Variants in TOMM70 observed in about 807,000 individuals in gnomAD.
The protein encoded by TOMM70 is mitochondrial import receptor subunit TOM70.
Under a neutral mutation model 73.6 loss-of-function variants are expected in TOMM70, and 13 were observed. The ratio of observed to expected loss-of-function variants is 0.18; its 90% CI spans 0.11 to 0.28. TOMM70 has a LOEUF of 0.28. Ranked by LOEUF, TOMM70 falls within the 10% of genes least tolerant of loss-of-function variation. The pLI is 1.00. For synonymous variants in TOMM70, 257 were observed against 271.2 expected, an observed-to-expected ratio of 0.95 and a Z score of 0.51; for missense variants, 609 against 747.5, an observed-to-expected ratio of 0.81 and a Z score of 2.16.
chr3:100,370,917 TAG>T (rs1268943407), intron 9 of TOMM70, among the ~76,000 whole-genome samples: 1 of 152,184 alleles, frequency 6.6e-6, no homozygotes, highest in East Asian at 1.9e-4. Context: ...TTTGCTCTTC[TAG>T]ATGCTTAGAG....
intron 9 of TOMM70, among the ~76,000 whole-genome samples, chr3:100,371,074 AT>A (rs1706504557): frequency 6.6e-6 from 1 of 152,198 alleles, no homozygotes; most frequent in African/African-American, 2.4e-5. Flanking sequence ...GTAGTTATAT[AT>A]AAGACCTACC....
chr3:100,368,558 G>A (rs1032723261), intron 10 of TOMM70, among the ~76,000 whole-genome samples: 1 of 152,102 alleles, frequency 6.6e-6, no homozygotes, highest in African/African-American at 2.4e-5. Context: ...CACAGAGCAA[G>A]AATAGTACAT....
rs201633652 is a variant in TOMM70, at chr3:100,395,335, C to CT, written c.324+5290dup. On this transcript the variant is annotated intron_variant, in intron 1 of 11. Transcript: ENST00000284320. ...AGTAAGCCGAGATTGCGCCACTACA[C>CT]TCCAGCCTGGGCAACAGAGTGAGAC... Among the ~76,000 whole-genome samples the CT allele has an allele frequency of 7.1e-3, 1,075 of 152,144 alleles. 14 individuals are homozygous for CT. Among genetic ancestry groups the CT allele is most frequent in the Middle Eastern group, 0.044 (13 of 294 alleles).
intron 1 of TOMM70, among the ~76,000 whole-genome samples, chr3:100,396,327 T>C (rs1175537405): frequency 2.6e-5 from 4 of 152,200 alleles, no homozygotes; most frequent in Non-Finnish European, 4.4e-5. Flanking sequence ...GCTTAGATTA[T>C]TGGTTCCTAA....
intron 1 of TOMM70, among the ~76,000 whole-genome samples, chr3:100,393,084 G>A (rs987896401): frequency 6.6e-5 from 10 of 151,772 alleles, no homozygotes; most frequent in African/African-American, 2.4e-4. Context: ...GCTGAGGCAG[G>A]AGAATCGCTT....
chr3:100,370,079 C>CCTAAA (rs1706492112), intron 9 of TOMM70, among the ~76,000 whole-genome samples: 1 of 120,340 alleles, frequency 8.3e-6, no homozygotes, highest in African/African-American at 5.2e-5. Flanking sequence ...AATAAGCCAA[C>CCTAAA]TTAAATATTT....
chr3:100,397,679 A>G (rs1415491074), intron 1 of TOMM70, among the ~76,000 whole-genome samples: 1 of 152,092 alleles, frequency 6.6e-6, no homozygotes, highest in Non-Finnish European at 1.5e-5. Flanking sequence ...TCACGAGGTC[A>G]GGAGTTTGAG....
chr3:100,372,466 A>G lies in TOMM70; in HGVS notation c.1452+140T>C, dbSNP rs988658693. 9.3e-6 allele frequency: 6 copies of G among 645,244 alleles called. No homozygotes were observed. The South Asian group carries it at 1.2e-4, about 13-fold the overall frequency. 40.0% of individuals were successfully genotyped at this position (645,244 alleles called of 1,614,324 possible). A position where few individuals can be genotyped will look rare whatever the true frequency, so the allele number is the denominator to read the frequency against. On this transcript the variant is annotated intron_variant, in intron 9 of 11. Transcript: ENST00000284320. ...CTTCTGAGGTGATTCGGGACCAACC[A>G]GGGGCCATGAGAATCAATCAGGAAC...
At chr3:100,369,562 G>A (rs539350038) in intron 9 of TOMM70, among the ~76,000 whole-genome samples, 19 of 150,556 alleles carry the variant, frequency 1.3e-4, no homozygotes, top group African/African-American at 3.2e-4. Flanking sequence ...GTGTAGTGGC[G>A]CAATCTCTGT....
intron 9 of TOMM70, chr3:100,371,935 A>T (rs1345383140): frequency 6.6e-6 from 1 of 152,228 alleles, no homozygotes; most frequent in Non-Finnish European, 1.5e-5. Flanking sequence ...TGTACCCCTG[A>T]TATAGAGTAT....
intron 5 of TOMM70, 95 bp from the exon 6 acceptor site, chr3:100,378,007 G>A (rs939177731): frequency 9.2e-7 from 1 of 1,091,864 alleles, no homozygotes; most frequent in Non-Finnish European, 1.3e-6. Flanking sequence ...AGCACTTTGG[G>A]AGGCCGAGGT....
At position 100,373,660 on chromosome 3, in the gene TOMM70, C is replaced by A. The variant is rs772838462; in HGVS notation, c.1228-15G>T. ...AGTATTTTCAGCTAAGAAAAAAATACGTAAATAAATGTAATTCAACTAGTC... is the reference window on the plus strand; with the variant it reads ...AGTATTTTCAGCTAAGAAAAAAATAAGTAAATAAATGTAATTCAACTAGTC... On this transcript the variant is annotated splice_polypyrimidine_tract_variant and intron_variant, in intron 7 of 11. Coordinates refer to ENST00000284320, the MANE Select transcript of TOMM70 (RefSeq NM_014820.5). The A allele has an allele frequency of 1.3e-6, 2 of 1,568,416 alleles. No homozygotes were observed. Among genetic ancestry groups the A allele is most frequent in the Non-Finnish European group, 1.7e-6 (2 of 1,158,828 alleles).
In TOMM70 at chr3:100,401,017, G is replaced by C. The variant is rs569377038; in HGVS notation, c.-68C>G. On this transcript the variant is annotated 5_prime_UTR_variant, in exon 1 of 12. Transcript: ENST00000284320. ...CCACAATCACCAAACAGCGTGCGAA[G>C]GAAGACCGAGGGAGGGAAGGAAAGC... 1 of 1,447,426 alleles carries C rather than the reference G, an allele frequency of 6.9e-7. No homozygotes were observed. Among genetic ancestry groups the C allele is most frequent in the East Asian group, 2.6e-5 (1 of 38,470 alleles). The allele number at this position is 1,447,426 out of a possible 1,614,324, so 89.7% of individuals were successfully genotyped here.
intron 7 of TOMM70, among the ~76,000 whole-genome samples, chr3:100,374,618 T>G (rs1706543485): frequency 6.6e-6 from 1 of 152,186 alleles, no homozygotes; most frequent in South Asian, 2.1e-4. Flanking sequence ...ATATATTTAT[T>G]TTTACTATTT....
intron 4 of TOMM70, among the ~76,000 whole-genome samples, chr3:100,382,055 G>A (rs948493349): frequency 1.4e-4 from 21 of 152,108 alleles, no homozygotes; most frequent in African/African-American, 4.1e-4. Context: ...TTCATCTGAA[G>A]ATCTTTATTA....
chr3:100,372,511 G>T, intron 9 of TOMM70, 95 bp downstream of exon 9: 1 of 991,476 alleles, frequency 1.0e-6, no homozygotes, highest in Non-Finnish European at 1.5e-6. Context: ...TGCTTCCAAA[G>T]AAGCTGCAAC....
chr3:100,399,734 A>AT (rs34524680), intron 1 of TOMM70, among the ~76,000 whole-genome samples: 3,368 of 126,052 alleles, frequency 0.027, 55 homozygotes, highest in African/African-American at 0.044. Flanking sequence ...AGTCACTCCC[A>AT]TTTTTTTTTT....
rs1317176406 is a variant in TOMM70, at chr3:100,372,615, T to C, written c.1443A>G (p.Leu481=). 6.2e-7 allele frequency: 1 copy of C among 1,610,688 alleles called. No individual in the cohort carries two copies. Among genetic ancestry groups the C allele is most frequent in the East Asian group, 2.2e-5 (1 of 44,836 alleles). ...CTGAAAAAACATTTACCTGGGCGTA[T>C]AGTGCATAGCCTTCGGCACACCTTG... ...KFPRCAEGYA[L]YAQALTDQQQ... is the part of the protein sequence containing the mutation. The change falls in exon 9 of 12, where the codon CTA becomes CTG. Residue 481 remains leucine, a synonymous_variant. Coordinates refer to ENST00000284320, the MANE Select transcript of TOMM70 (RefSeq NM_014820.5).
chr3:100,399,673 G>A (rs968291287), intron 1 of TOMM70, among the ~76,000 whole-genome samples: 3 of 151,700 alleles, frequency 2.0e-5, no homozygotes, highest in African/African-American at 7.3e-5. Flanking sequence ...TACATTTCCA[G>A]GTGAAATGGA....
Sources: allele counts gnomAD v4.1 joint callset (sites outside exome capture counted in the v4.1 genomes callset), GRCh38; gene constraint gnomAD v4.1.1; transcripts MANE v1.5; gene names NCBI Gene and HGNC (gene_info 2026-07-23, HGNC 2026-07-21).